The following KIAA1549L variants were observed in gnomAD, a reference collection of about 807,000 sequenced individuals.
KIAA1549L encodes the protein UPF0606 protein KIAA1549L.
Under a neutral mutation model 160.7 loss-of-function variants are expected in KIAA1549L, and 88 were observed. That is an observed-to-expected ratio of 0.55 (90% CI 0.46 to 0.65). KIAA1549L has a LOEUF of 0.65. KIAA1549L is among the 30% of genes least tolerant of loss of function. The pLI is 0.00. For synonymous variants in KIAA1549L, 950 were observed against 976.7 expected (o/e 0.97, Z 0.51); for missense variants, 2,258 against 2,437.5 (o/e 0.93, Z 1.55).
chr11:33,517,889 C>G (rs981329640), intron 1 of KIAA1549L, among the ~76,000 whole-genome samples: 1 of 151,916 alleles, frequency 6.6e-6, no homozygotes, highest in African/African-American at 2.4e-5. Context: ...CACCTGTAAT[C>G]CTAGCACTTT....
chr11:33,567,773 C>T (rs1020987285), intron 8 of KIAA1549L, among the ~76,000 whole-genome samples: 3 of 152,212 alleles, frequency 2.0e-5, no homozygotes, highest in African/African-American at 7.2e-5. Context: ...TGTCACAGTT[C>T]ACAGAGCAAA....
chr11:33,661,475 C>T (rs988994839), intron 20 of KIAA1549L, among the ~76,000 whole-genome samples: 7 of 152,312 alleles, frequency 4.6e-5, no homozygotes, highest in East Asian at 1.9e-4. Context: ...ATGCCAAGGA[C>T]AGAATTCAAA....
chr11:33,456,861 CT>C (rs1851834496), intron 1 of KIAA1549L, among the ~76,000 whole-genome samples: 1 of 152,206 alleles, frequency 6.6e-6, no homozygotes, highest in African/African-American at 2.4e-5. Flanking sequence ...CAATCTAAAC[CT>C]TCTCCCCATC....
chr11:33,402,001 G>A (rs1416559464), intron 1 of KIAA1549L, among the ~76,000 whole-genome samples: 2 of 152,214 alleles, frequency 1.3e-5, no homozygotes, highest in African/African-American at 2.4e-5. Context: ...TGTTCCCGTG[G>A]GGGAATTTAG....
intron 1 of KIAA1549L, among the ~76,000 whole-genome samples, chr11:33,472,275 C>CTTTT (rs76771436): frequency 8.8e-5 from 9 of 102,748 alleles, no homozygotes; most frequent in Non-Finnish European, 1.6e-4. Context: ...TCATGCCTGG[C>CTTTT]TTTTTTTTTT....
At chr11:33,444,058 C>T (rs1851561762) in intron 1 of KIAA1549L, among the ~76,000 whole-genome samples, 1 of 152,194 alleles carries the variant, frequency 6.6e-6, no homozygotes. Flanking sequence ...TAGACAAGAT[C>T]TGCACTACCT....
rs1849967618 is a variant in KIAA1549L at position 33,376,962 on chromosome 11, C to CGGGACGGGA, written c.238+73_238+74insGGGACGGGA. 6.6e-6 allele frequency: 1 copy of CGGGACGGGA among 152,252 alleles called. No homozygotes were observed. The highest frequency in any genetic ancestry group is 2.4e-5 in the African/African-American group (1 of 41,460). The allele number at this position is 152,252 out of a possible 1,614,324, so 9.4% of individuals were successfully genotyped here. A position where few individuals can be genotyped will look rare whatever the true frequency, so the allele number is the denominator to read the frequency against. On this transcript the variant is annotated intron_variant, in intron 1 of 20. Coordinates refer to ENST00000658780, the MANE Select transcript of KIAA1549L (RefSeq NM_012194.3). This position sits in a 1 kb window ranked among gnomAD's most constrained non-coding sequence, Gnocchi z 5.8. ...GGCGGCGGGACGGGACCCACACCTGCCCAGGTGGCGGTGGAGAGGTATTGG... is the reference window on the plus strand; with the variant it reads ...GGCGGCGGGACGGGACCCACACCTGCGGGACGGGACCAGGTGGCGGTGGAGAGGTATTGG...
At chr11:33,443,290 A>G (rs185183827) in intron 1 of KIAA1549L, among the ~76,000 whole-genome samples, 97 of 151,368 alleles carry the variant, frequency 6.4e-4, no homozygotes, top group African/African-American at 2.1e-3. Context: ...ATGAGCCACC[A>G]TGCTTGGCCC....
intron 1 of KIAA1549L, among the ~76,000 whole-genome samples, chr11:33,445,772 G>A (rs1203952980): frequency 6.6e-6 from 1 of 152,186 alleles, no homozygotes; most frequent in East Asian, 1.9e-4. Context: ...GATAACAGAT[G>A]TAAAGTGCTT....
chr11:33,412,215 C>G (rs1850798643), intron 1 of KIAA1549L, among the ~76,000 whole-genome samples: 2 of 152,106 alleles, frequency 1.3e-5, no homozygotes, highest in African/African-American at 4.8e-5. Context: ...AGCTAATGCT[C>G]TATTTCTTAC....
chr11:33,594,121 A>G (rs1205534228), intron 12 of KIAA1549L, among the ~76,000 whole-genome samples: 2 of 152,148 alleles, frequency 1.3e-5, no homozygotes, highest in African/African-American at 4.8e-5. Flanking sequence ...GTCTGTATCA[A>G]TTACCCACAT....
chr11:33,582,052 A>G (rs1855662589), intron 10 of KIAA1549L, among the ~76,000 whole-genome samples: 1 of 152,252 alleles, frequency 6.6e-6, no homozygotes, highest in South Asian at 2.1e-4. Flanking sequence ...AGAAGCTATA[A>G]GCTCTATGTT....
At chr11:33,447,931 A>T (rs916110422) in intron 1 of KIAA1549L, among the ~76,000 whole-genome samples, 7 of 152,096 alleles carry the variant, frequency 4.6e-5, no homozygotes, top group Non-Finnish European at 5.9e-5. Flanking sequence ...TTCCAGACAG[A>T]GGAGTTCTCA....
intron 20 of KIAA1549L, 73 bp downstream of exon 20, chr11:33,661,087 G>T: frequency 7.0e-7 from 1 of 1,426,870 alleles, no homozygotes; most frequent in Middle Eastern, 1.8e-4. Flanking sequence ...TAGATAAAAG[G>T]TTGAGACTGA....
intron 15 of KIAA1549L, among the ~76,000 whole-genome samples, chr11:33,615,144 T>C (rs1456404738): frequency 6.6e-6 from 1 of 152,056 alleles, no homozygotes; most frequent in Admixed American, 6.6e-5. Flanking sequence ...CCCAAATAAA[T>C]GACTTACACT....
intron 1 of KIAA1549L, among the ~76,000 whole-genome samples, chr11:33,526,596 C>T (rs2133137304): frequency 6.6e-6 from 1 of 152,326 alleles, no homozygotes; most frequent in East Asian, 1.9e-4. Flanking sequence ...GTCTGTCTCT[C>T]AGGAAGCTCC....
rs566284524 is a variant in KIAA1549L, at chr11:33,418,059, G to A, written c.238+41170G>A. Among the ~76,000 whole-genome samples, 18 of 152,264 alleles carry A rather than the reference G, an allele frequency of 1.2e-4. No individual in the cohort carries two copies. In the East Asian group the frequency reaches 3.1e-3, roughly 26 times the overall value. Reference sequence around the variant, plus strand: ...CTCCCAAAGTGCTGGGATTACAGGCGTGAGCCACCACACCTGGTTCCTATC... The same window carrying A: ...CTCCCAAAGTGCTGGGATTACAGGCATGAGCCACCACACCTGGTTCCTATC... On this transcript the variant is annotated intron_variant, in intron 1 of 20. Coordinates refer to ENST00000658780, the MANE Select transcript of KIAA1549L (RefSeq NM_012194.3).
At chr11:33,505,378 A>G (rs745885806) in intron 1 of KIAA1549L, among the ~76,000 whole-genome samples, 7 of 152,302 alleles carry the variant, frequency 4.6e-5, no homozygotes, top group Non-Finnish European at 7.4e-5. Flanking sequence ...TTGCAGTAGT[A>G]AGCTCCTTGT....
Position 33,654,660 on chromosome 11 carries a change from A to G in KIAA1549L, c.5761-1352A>G, listed in dbSNP as rs181550801. Among the ~76,000 whole-genome samples the G allele has an allele frequency of 7.6e-4, 116 of 152,158 alleles. No individual in the cohort carries two copies. In the Middle Eastern group the frequency reaches 0.014, roughly 18 times the overall value. ...CTTGATCTCTTCATCAACTGTCAAT[A>G]TGGCGTTTGTTTTCCAGGCCACTTC... On this transcript the variant is annotated intron_variant, in intron 17 of 20. Coordinates refer to ENST00000658780, the MANE Select transcript of KIAA1549L (RefSeq NM_012194.3).
Sources: gnomAD v4.1 joint callset for allele counts (sites outside exome capture counted in the v4.1 genomes callset) on GRCh38, gnomAD v4.1.1 for gene constraint, Gnocchi (gnomAD v3.1) non-coding constraint, MANE v1.5 for transcripts, NCBI Gene and HGNC (gene_info 2026-07-23, HGNC 2026-07-21) for gene names.